TTLL11: variants seen among roughly 807,000 people sequenced by gnomAD.
The protein encoded by TTLL11 is tubulin tyrosine ligase like 11, also known as tubulin polyglutamylase TTLL11.
In TTLL11, 42 loss-of-function variants were observed where a neutral mutation model predicts 51.7. The observed-to-expected ratio is 0.81, with a 90% CI of 0.64 to 1.05. The LOEUF (loss-of-function observed/expected upper bound fraction) is 1.05, where lower values mean the gene tolerates loss of function less well. Among genes scored for constraint, TTLL11 ranks in the 50% least tolerant of loss-of-function variants. The pLI, the probability that TTLL11 is intolerant of heterozygous loss-of-function variation, is 0.00. For missense variants in TTLL11, 799 were observed against 940.4 expected (o/e 0.85, Z 1.97); for synonymous variants, 381 against 383.5 (o/e 0.99, Z 0.08).
At chr9:122,084,092 T>C (rs780436110) in intron 1 of TTLL11, among the ~76,000 whole-genome samples, 3 of 152,104 alleles carry the variant, frequency 2.0e-5, no homozygotes, top group African/African-American at 4.8e-5. Context: ...CAATGAGAAA[T>C]AGAATCTCCC....
intron 3 of TTLL11, among the ~76,000 whole-genome samples, chr9:122,019,450 A>G (rs191875472): frequency 6.6e-6 from 1 of 151,882 alleles, no homozygotes; most frequent in East Asian, 1.9e-4. Context: ...CTTTTCATTT[A>G]TTTTTATTAT....
chr9:122,065,738 G>A (rs1440698375), intron 1 of TTLL11, among the ~76,000 whole-genome samples: 1 of 152,130 alleles, frequency 6.6e-6, no homozygotes, highest in Non-Finnish European at 1.5e-5. Context: ...TACCTCCATC[G>A]TAGACTTATT....
intron 8 of TTLL11, among the ~76,000 whole-genome samples, chr9:121,837,564 C>T (rs1837216249): frequency 6.6e-6 from 1 of 152,124 alleles, no homozygotes; most frequent in South Asian, 2.1e-4. Context: ...ACAGTCGGTC[C>T]TGATTAATGC....
rs376437897 is a variant in TTLL11 at position 121,921,262 on chromosome 9, A to G, written c.1482-50514T>C. On this transcript the variant is annotated intron_variant, in intron 6 of 8. Transcript: ENST00000321582. ...TCCTTCTTTCCTTGACTCGACAAAC[A>G]TGAGTTTCATGCCTGTTTTGTGCCA... is the stretch of plus-strand genomic sequence containing the variant. Among the ~76,000 whole-genome samples, 7 of 152,162 alleles carry G rather than the reference A, an allele frequency of 4.6e-5. No homozygotes were observed. In the East Asian group the frequency reaches 7.7e-4, roughly 17 times the overall value.
intron 1 of TTLL11, among the ~76,000 whole-genome samples, chr9:122,061,095 C>A (rs1845422130): frequency 6.6e-6 from 1 of 152,208 alleles, no homozygotes; most frequent in African/African-American, 2.4e-5. Context: ...CTTGGCATCA[C>A]TTGCCTTGTT....
At chr9:121,855,034 G>A (rs556425692) in intron 8 of TTLL11, among the ~76,000 whole-genome samples, 1 of 152,310 alleles carries the variant, frequency 6.6e-6, no homozygotes, top group East Asian at 1.9e-4. Context: ...CAGAGGTGAA[G>A]GCAAGCCCAT....
intron 6 of TTLL11, among the ~76,000 whole-genome samples, chr9:121,917,339 G>A (rs1332848374): frequency 1.3e-5 from 2 of 151,824 alleles, no homozygotes; most frequent in Non-Finnish European, 2.9e-5. Context: ...GCCAGGCAGT[G>A]CATACCTGTA....
intron 1 of TTLL11, among the ~76,000 whole-genome samples, chr9:122,062,760 T>C (rs769733256): frequency 3.3e-5 from 5 of 151,884 alleles, no homozygotes; most frequent in African/African-American, 4.8e-5. Context: ...TGATATATTA[T>C]GCATTTCTAG....
At chr9:121,969,719 G>A (rs1257413342) in intron 6 of TTLL11, among the ~76,000 whole-genome samples, 2 of 152,052 alleles carry the variant, frequency 1.3e-5, no homozygotes, top group African/African-American at 2.4e-5. Flanking sequence ...CTGTGCAAAC[G>A]CTAGAAACCC....
chr9:122,069,080 C>T (rs1564383844), intron 1 of TTLL11, among the ~76,000 whole-genome samples: 2 of 152,188 alleles, frequency 1.3e-5, no homozygotes, highest in Non-Finnish European at 1.5e-5. Context: ...TGGGCCTACT[C>T]GTTACAACCG....
chr9:121,983,183 G>GA (rs1439613370), intron 4 of TTLL11, among the ~76,000 whole-genome samples: 2 of 152,086 alleles, frequency 1.3e-5, no homozygotes, highest in African/African-American at 2.4e-5. Context: ...GAGGGAAACA[G>GA]AAAAAAGAAG....
chr9:121,867,477 T>C (rs1396465665), intron 7 of TTLL11, among the ~76,000 whole-genome samples: 1 of 152,180 alleles, frequency 6.6e-6, no homozygotes, highest in East Asian at 1.9e-4. Context: ...ATTTTTCAAA[T>C]CTCCCCCTCT....
chr9:121,964,630 C>T (rs940682727), intron 6 of TTLL11, among the ~76,000 whole-genome samples: 1 of 152,070 alleles, frequency 6.6e-6, no homozygotes, highest in Non-Finnish European at 1.5e-5. Context: ...CATAAACCTC[C>T]GGCTTTGGGT....
intron 6 of TTLL11, among the ~76,000 whole-genome samples, chr9:121,927,465 T>C (rs1398226250): frequency 6.6e-6 from 1 of 152,200 alleles, no homozygotes; most frequent in African/African-American, 2.4e-5. Flanking sequence ...ATGATCCAGC[T>C]TTTTGGATCA....
At chr9:121,845,414 ATT>A (rs1187712185) in intron 8 of TTLL11, among the ~76,000 whole-genome samples, 1 of 152,194 alleles carries the variant, frequency 6.6e-6, no homozygotes, top group Non-Finnish European at 1.5e-5. Context: ...TTAAAAACAA[ATT>A]TCAGAGAACA....
chr9:122,009,465 A>G (rs1226203787), intron 3 of TTLL11, among the ~76,000 whole-genome samples: 1 of 151,822 alleles, frequency 6.6e-6, no homozygotes, highest in Non-Finnish European at 1.5e-5. Context: ...TAATAAAATG[A>G]ATGATGCATA....
chr9:121,983,092 T>C (rs957100544), intron 4 of TTLL11, among the ~76,000 whole-genome samples: 2 of 152,022 alleles, frequency 1.3e-5, no homozygotes, highest in Admixed American at 6.6e-5. Context: ...ATGGCAACAG[T>C]GGAGTTGGTT....
In TTLL11 at chr9:121,860,404, G is replaced by A. The variant is rs1030644684; in HGVS notation, c.1773C>T (p.Ala591=). The A allele has an allele frequency of 1.5e-5, 24 of 1,551,254 alleles. No individual in the cohort carries two copies. The highest frequency in any genetic ancestry group is 4.1e-5 in the African/African-American group (3 of 73,022). Residue 591 remains alanine (A), a synonymous_variant, in exon 8 of 9, where the codon GCC becomes GCT. Coordinates refer to ENST00000321582, the MANE Select transcript of TTLL11 (RefSeq NM_001139442.2). The stretch of plus-strand genomic sequence containing the variant: ...TGATGTCAATGTAGAGGATGTCCAC[G>A]GCAGCCATGGACAGGCTGCTGCTGC... ...KLSSSSLSMA[A]VDILYIDITR...
At chr9:122,071,450 C>T (rs1382687594) in intron 1 of TTLL11, among the ~76,000 whole-genome samples, 3 of 152,132 alleles carry the variant, frequency 2.0e-5, no homozygotes, top group African/African-American at 4.8e-5. Context: ...AAAGGGGGCA[C>T]CACTGCCTAG....
Sources: allele counts gnomAD v4.1 joint callset (sites outside exome capture counted in the v4.1 genomes callset), GRCh38; gene constraint gnomAD v4.1.1; transcripts MANE v1.5; gene names NCBI Gene and HGNC (gene_info 2026-07-23, HGNC 2026-07-21).